The following NELL1 variants were observed in gnomAD, a reference collection of about 807,000 sequenced individuals.
NELL1 encodes the protein protein kinase C-binding protein NELL1.
A neutral mutation model predicts 107.4 loss-of-function variants in NELL1; 76 were observed. That is an observed-to-expected ratio of 0.71 (90% CI 0.59 to 0.86). NELL1 has a LOEUF of 0.86. Ranked by LOEUF, NELL1 falls within the 40% of genes least tolerant of loss-of-function variation. The pLI, the probability that NELL1 is intolerant of heterozygous loss-of-function variation, is 0.00. For missense variants in NELL1, 1,024 were observed against 1,005.5 expected (o/e 1.02, Z -0.25); for synonymous variants, 353 against 341.2 (o/e 1.03, Z -0.38).
intron 13 of NELL1, chr11:21,170,026 T>C: frequency 8.3e-7 from 1 of 1,197,910 alleles, no homozygotes; most frequent in Non-Finnish European, 1.2e-6. Flanking sequence ...TGGACAGGGT[T>C]GTCATCAGCA....
At chr11:20,731,280 C>G (rs1855633448) in intron 2 of NELL1, among the ~76,000 whole-genome samples, 1 of 152,172 alleles carries the variant, frequency 6.6e-6, no homozygotes, top group African/African-American at 2.4e-5. Flanking sequence ...GCTTAAAGCA[C>G]TTTGGAAATT....
chr11:20,800,464 A>AAT (rs1352612891), intron 3 of NELL1, among the ~76,000 whole-genome samples: 1 of 151,876 alleles, frequency 6.6e-6, no homozygotes, highest in Non-Finnish European at 1.5e-5. Context: ...GTTGACTTTT[A>AAT]ATATATATTT....
intron 15 of NELL1, among the ~76,000 whole-genome samples, chr11:21,387,063 G>A (rs561890229): frequency 2.8e-4 from 42 of 151,698 alleles, no homozygotes; most frequent in African/African-American, 9.4e-4. Flanking sequence ...CCCTTCCCCC[G>A]ACCATGTTTT....
intron 3 of NELL1, among the ~76,000 whole-genome samples, chr11:20,798,702 T>C (rs1419711334): frequency 6.6e-6 from 1 of 152,104 alleles, no homozygotes. Context: ...TTGGTGAGGG[T>C]GGTGCAATGA....
intron 12 of NELL1, among the ~76,000 whole-genome samples, chr11:20,976,108 CTG>C (rs1467308795): frequency 7.0e-6 from 1 of 142,798 alleles, no homozygotes; most frequent in Admixed American, 7.1e-5. Context: ...ATACACATAT[CTG>C]TACATATATG....
chr11:20,673,993 C>G (rs1853985298), intron 1 of NELL1, among the ~76,000 whole-genome samples: 2 of 152,166 alleles, frequency 1.3e-5, no homozygotes, highest in South Asian at 2.1e-4. Context: ...GCATTTTCAT[C>G]CTGGTGGGGA....
At chr11:20,911,840 T>C (rs1421224690) in intron 5 of NELL1, among the ~76,000 whole-genome samples, 1 of 152,196 alleles carries the variant, frequency 6.6e-6, no homozygotes, top group African/African-American at 2.4e-5. Flanking sequence ...GGCCATCCTT[T>C]TATGAGAAGA....
intron 16 of NELL1, among the ~76,000 whole-genome samples, chr11:21,553,260 T>A (rs937554979): frequency 1.3e-4 from 19 of 151,976 alleles, no homozygotes; most frequent in East Asian, 3.9e-4. Context: ...CATGTGTATT[T>A]GTCACCGAGG....
intron 3 of NELL1, among the ~76,000 whole-genome samples, chr11:20,800,241 G>C (rs1341396778): frequency 2.6e-5 from 4 of 152,160 alleles, no homozygotes; most frequent in Non-Finnish European, 5.9e-5. Context: ...GGTTCAAATG[G>C]TAGTTCTAAG....
chr11:20,757,756 A>C (rs1326790568), intron 2 of NELL1, among the ~76,000 whole-genome samples: 6 of 152,170 alleles, frequency 3.9e-5, no homozygotes, highest in Admixed American at 1.3e-4. Context: ...AGCCCATGGA[A>C]TCTCCTGCCT....
At chr11:21,383,590 C>T (rs890654384) in intron 15 of NELL1, among the ~76,000 whole-genome samples, 3 of 151,412 alleles carry the variant, frequency 2.0e-5, no homozygotes, top group Non-Finnish European at 4.4e-5. Context: ...CACTGAAATG[C>T]ACCTTAATTT....
rs115389627 is a variant in NELL1 at position 20,902,652 on chromosome 11, A to G, written c.604-15530A>G. ...AACTCTTGGTCATATACCCAGGTAT[A>G]TATGTATAAGCATCATCACAGGACT... is the stretch of plus-strand genomic sequence containing the variant. On this transcript the variant is annotated intron_variant, in intron 5 of 19. Transcript: ENST00000357134. Among the ~76,000 whole-genome samples, 556 of 152,178 alleles carry G rather than the reference A, an allele frequency of 3.7e-3. 8 individuals carry two copies. Among genetic ancestry groups the G allele is most frequent in the African/African-American group, 0.013 (530 of 41,548 alleles).
chr11:20,736,660 A>T (rs2133928719), intron 2 of NELL1, among the ~76,000 whole-genome samples: 1 of 152,080 alleles, frequency 6.6e-6, no homozygotes, highest in East Asian at 1.9e-4. Context: ...GAAGTTCTTT[A>T]TTTTCACCAT....
At chr11:20,868,372 C>T (rs188386448) in intron 4 of NELL1, among the ~76,000 whole-genome samples, 37 of 152,090 alleles carry the variant, frequency 2.4e-4, no homozygotes, top group African/African-American at 8.9e-4. Flanking sequence ...TAGAGGTTTT[C>T]AAGTGCTGGG....
In NELL1 at chr11:20,885,455, G is replaced by C; in HGVS notation, c.518G>C (p.Arg173Pro). Residue 173 changes from arginine to proline, a missense_variant, in exon 5 of 20, where the codon CGT becomes CCT. Coordinates refer to ENST00000357134, the MANE Select transcript of NELL1 (RefSeq NM_006157.5). ...LHVDCNRIYERVIDPPDTNLP... is the reference protein window; with the variant it reads ...LHVDCNRIYEPVIDPPDTNLP... ...CTTTGCCTTTACAGGATTTATGAGC[G>C]TGTGATAGACCCTCCAGATACCAAC... The C allele has an allele frequency of 6.2e-7, 1 of 1,609,710 alleles. No individual in the cohort carries two copies. The highest frequency in any genetic ancestry group is 8.5e-7 in the Non-Finnish European group (1 of 1,176,044).
intron 3 of NELL1, among the ~76,000 whole-genome samples, chr11:20,836,271 CA>C (rs57421402): frequency 0.17 from 21,325 of 123,162 alleles, 1,929 homozygotes; most frequent in East Asian, 0.36. Context: ...GGGTAAAATC[CA>C]AAAAAAAAAA....
chr11:21,438,617 C>T (rs1173783325), intron 15 of NELL1, among the ~76,000 whole-genome samples: 2 of 152,042 alleles, frequency 1.3e-5, no homozygotes, highest in Non-Finnish European at 2.9e-5. Context: ...TTCACTTGAT[C>T]ATATTGCATA....
chr11:21,508,796 A>AG (rs1266478081), intron 15 of NELL1, among the ~76,000 whole-genome samples: 1 of 143,208 alleles, frequency 7.0e-6, no homozygotes, highest in Non-Finnish European at 1.5e-5. Context: ...ACTATGTTAA[A>AG]GAAAAAAAAA....
chr11:21,144,841 G>A (rs1855942879), intron 13 of NELL1, among the ~76,000 whole-genome samples: 2 of 152,144 alleles, frequency 1.3e-5, no homozygotes, highest in South Asian at 2.1e-4. Context: ...CCAGAGATGA[G>A]GTAGGGTTTC....
Sources: gnomAD v4.1 joint callset for allele counts (sites outside exome capture counted in the v4.1 genomes callset) on GRCh38, gnomAD v4.1.1 for gene constraint, MANE v1.5 for transcripts, NCBI Gene and HGNC (gene_info 2026-07-23, HGNC 2026-07-21) for gene names.